CACNA2D3: variants seen among roughly 807,000 people sequenced by gnomAD.
The protein encoded by CACNA2D3 is voltage-dependent calcium channel subunit alpha-2/delta-3.
In CACNA2D3, 60 loss-of-function variants were observed where a neutral mutation model predicts 160.6. The ratio of observed to expected loss-of-function variants is 0.37; its 90% confidence interval spans 0.30 to 0.46. CACNA2D3 has a LOEUF of 0.46. Among genes scored for constraint, CACNA2D3 ranks in the 20% least tolerant of loss-of-function variants. CACNA2D3 has a pLI of 1.00. For synonymous variants in CACNA2D3, 558 were observed against 492.9 expected (o/e 1.13, Z -1.75); for missense variants, 1,205 against 1,365.0 (o/e 0.88, Z 1.85).
intron 27 of CACNA2D3, among the ~76,000 whole-genome samples, chr3:54,955,863 G>A (rs1303131470): frequency 6.6e-6 from 1 of 152,152 alleles, no homozygotes. Flanking sequence ...ACGAAACCTG[G>A]TGAGAGTCAA....
At chr3:54,964,865 G>C (rs4955914) in intron 27 of CACNA2D3, among the ~76,000 whole-genome samples, 1 of 151,100 alleles carries the variant, frequency 6.6e-6, no homozygotes, top group African/African-American at 2.4e-5. Context: ...TCATTTTCAC[G>C]CTCAAGAAAT....
chr3:54,879,297 C>A, intron 19 of CACNA2D3, 53 bp from the exon 20 acceptor site: 1 of 1,363,272 alleles, frequency 7.3e-7, no homozygotes, highest in Non-Finnish European at 1.0e-6. Flanking sequence ...CGTCACTTAG[C>A]AGACTAACCA....
intron 27 of CACNA2D3, among the ~76,000 whole-genome samples, chr3:54,922,184 A>G (rs780004182): frequency 2.6e-4 from 40 of 152,202 alleles, no homozygotes; most frequent in Admixed American, 9.2e-4. Flanking sequence ...CTGACTTAAA[A>G]CTATCAGTTT....
At chr3:54,308,608 G>T (rs1428654870) in intron 2 of CACNA2D3, among the ~76,000 whole-genome samples, 2 of 152,172 alleles carry the variant, frequency 1.3e-5, no homozygotes, top group African/African-American at 2.4e-5. Context: ...AAGCCGCTGA[G>T]ATATGGGGGT....
chr3:54,506,174 T>A (rs1701366200), intron 5 of CACNA2D3, among the ~76,000 whole-genome samples: 1 of 152,202 alleles, frequency 6.6e-6, no homozygotes, highest in Non-Finnish European at 1.5e-5. Context: ...AACAGCCTTT[T>A]TTTTTTGTTT....
intron 21 of CACNA2D3, among the ~76,000 whole-genome samples, chr3:54,884,924 G>A (rs1343278943): frequency 6.6e-6 from 1 of 152,134 alleles, no homozygotes; most frequent in Non-Finnish European, 1.5e-5. Flanking sequence ...GCCTAGCCCG[G>A]TTCCCAACTT....
intron 3 of CACNA2D3, among the ~76,000 whole-genome samples, chr3:54,340,850 C>G (rs1329840685): frequency 6.6e-6 from 1 of 152,206 alleles, no homozygotes; most frequent in Non-Finnish European, 1.5e-5. Context: ...GGTGTGAGCA[C>G]AAGGCTGAAG....
chr3:54,220,884 C>T (rs1000624599), intron 2 of CACNA2D3, among the ~76,000 whole-genome samples: 1 of 152,206 alleles, frequency 6.6e-6, no homozygotes, highest in African/African-American at 2.4e-5. Context: ...GAGTGCGTGA[C>T]TGAGTGGCTT....
intron 2 of CACNA2D3, among the ~76,000 whole-genome samples, chr3:54,282,555 C>T (rs185089283): frequency 6.6e-5 from 10 of 152,274 alleles, no homozygotes; most frequent in South Asian, 2.1e-4. Flanking sequence ...GTTACTATCA[C>T]GTAGACTTCT....
chr3:54,793,914 G>A (rs1221413728), intron 13 of CACNA2D3, among the ~76,000 whole-genome samples: 1 of 151,978 alleles, frequency 6.6e-6, no homozygotes, highest in East Asian at 1.9e-4. Flanking sequence ...TAGATATAGG[G>A]CTATTTAGAT....
chr3:54,964,507 A>T (rs1372145043), intron 27 of CACNA2D3, among the ~76,000 whole-genome samples: 1 of 152,196 alleles, frequency 6.6e-6, no homozygotes, highest in Admixed American at 6.5e-5. Flanking sequence ...ACTTAAATCA[A>T]TATACTGTTA....
At chr3:54,832,011 T>TCATA (rs373556430) in intron 14 of CACNA2D3, among the ~76,000 whole-genome samples, 8,926 of 118,840 alleles carry the variant, frequency 0.075, 806 homozygotes, top group East Asian at 0.15. Flanking sequence ...CTCTTCTCTG[T>TCATA]CACACACACA....
chr3:54,778,930 A>G (rs986952987), intron 13 of CACNA2D3, among the ~76,000 whole-genome samples: 4 of 152,166 alleles, frequency 2.6e-5, no homozygotes, highest in African/African-American at 9.7e-5. Flanking sequence ...AGCACCACCA[A>G]TCCAACAAAG....
chr3:54,280,878 G>A (rs1473380169), intron 2 of CACNA2D3, among the ~76,000 whole-genome samples: 6 of 152,174 alleles, frequency 3.9e-5, no homozygotes, highest in Non-Finnish European at 7.3e-5. Flanking sequence ...CTAGGATGGA[G>A]CCCACTCCTG....
intron 35 of CACNA2D3, among the ~76,000 whole-genome samples, chr3:55,067,566 C>G (rs1319568733): frequency 4.6e-5 from 7 of 152,186 alleles, no homozygotes; most frequent in Admixed American, 2.0e-4. Flanking sequence ...GACATTAATA[C>G]ATTCTCCTTG....
In CACNA2D3 at chr3:55,074,164, C is replaced by A. The variant is rs372175128; in HGVS notation, c.3234C>A (p.Val1078=). 12 of 1,613,678 alleles carry A rather than the reference C, an allele frequency of 7.4e-6. No individual in the cohort carries two copies. The highest frequency in any genetic ancestry group is 2.2e-5 in the East Asian group (1 of 44,882). The change falls in exon 38 of 38, where the codon GTC becomes GTA. Residue 1078 remains valine, a synonymous_variant. Transcript: ENST00000474759. ...CGCCGAGTCTCCAAGCCCAGACAGT[C>A]CTCCTTCTGCTCCCTCTGCTTTTGA... ...GGAPSLQAQT[V]LLLLPLLLML...
chr3:54,710,317 A>G (rs1352511289), intron 11 of CACNA2D3, among the ~76,000 whole-genome samples: 2 of 152,056 alleles, frequency 1.3e-5, no homozygotes, highest in East Asian at 3.8e-4. Context: ...TAACAATAAT[A>G]ATGAATATGA....
At chr3:54,975,276 T>C (rs1380865456) in intron 29 of CACNA2D3, among the ~76,000 whole-genome samples, 1 of 152,156 alleles carries the variant, frequency 6.6e-6, no homozygotes, top group Non-Finnish European at 1.5e-5. Flanking sequence ...CCCAGCACTT[T>C]GGGAGGCCAA....
chr3:54,385,056 T>C (rs978386501), intron 3 of CACNA2D3, among the ~76,000 whole-genome samples: 1 of 152,084 alleles, frequency 6.6e-6, no homozygotes, highest in Non-Finnish European at 1.5e-5. Flanking sequence ...AAATAAGAGT[T>C]GAGAAACCTT....
Sources: gnomAD v4.1 joint callset for allele counts (sites outside exome capture counted in the v4.1 genomes callset) on GRCh38, gnomAD v4.1.1 for gene constraint, MANE v1.5 for transcripts, NCBI Gene and HGNC (gene_info 2026-07-23, HGNC 2026-07-21) for gene names.